Variants in CNTNAP2 observed in about 807,000 individuals in gnomAD.
The protein encoded by CNTNAP2 is contactin associated protein 2, also known as contactin-associated protein-like 2.
A neutral mutation model predicts 155.2 loss-of-function variants in CNTNAP2; 98 were observed. The ratio of observed to expected loss-of-function variants is 0.63; its 90% CI spans 0.54 to 0.75. The LOEUF is 0.75. Among genes scored for constraint, CNTNAP2 ranks in the 30% least tolerant of loss-of-function variants. The probability of loss-of-function intolerance (pLI) is 0.00; values close to 1 mark genes in which losing one functional copy is unlikely to be tolerated. For missense variants in CNTNAP2, 1,727 were observed against 1,688.1 expected, an observed-to-expected ratio of 1.02 and a Z score of -0.40; for synonymous variants, 651 against 631.2, an observed-to-expected ratio of 1.03 and a Z score of -0.47.
intron 3 of CNTNAP2, among the ~76,000 whole-genome samples, chr7:147,025,802 CAGAT>C (rs1798907556): frequency 6.6e-6 from 1 of 151,166 alleles, no homozygotes; most frequent in Non-Finnish European, 1.5e-5. Flanking sequence ...GTATATATCT[CAGAT>C]AGCTAAATGC....
intron 1 of CNTNAP2, among the ~76,000 whole-genome samples, chr7:146,304,095 C>CTTTT (rs550435247): frequency 7.5e-5 from 10 of 132,520 alleles, no homozygotes; most frequent in African/African-American, 2.9e-4. Context: ...GCAAACCCTG[C>CTTTT]TTTTTTTTTT....
At chr7:147,707,883 T>A (rs1796340026) in intron 13 of CNTNAP2, among the ~76,000 whole-genome samples, 1 of 152,172 alleles carries the variant, frequency 6.6e-6, no homozygotes, top group South Asian at 2.1e-4. Context: ...TAGAATGAGC[T>A]GGGCAGGCGT....
chr7:146,254,905 C>T (rs918419575), intron 1 of CNTNAP2, among the ~76,000 whole-genome samples: 1 of 151,530 alleles, frequency 6.6e-6, no homozygotes, highest in African/African-American at 2.4e-5. Context: ...AATAGAGAAA[C>T]ATTACAGACA....
chr7:147,616,265 C>T (rs1344116834), intron 12 of CNTNAP2, among the ~76,000 whole-genome samples: 1 of 152,154 alleles, frequency 6.6e-6, no homozygotes, highest in Admixed American at 6.6e-5. Flanking sequence ...GTTTACAAGT[C>T]ATCTCTGTGC....
At chr7:146,711,374 T>C (rs948813562) in intron 1 of CNTNAP2, among the ~76,000 whole-genome samples, 1 of 147,098 alleles carries the variant, frequency 6.8e-6, no homozygotes, top group African/African-American at 2.5e-5. Context: ...TATATATCCA[T>C]GAGAATGCCA....
intron 1 of CNTNAP2, among the ~76,000 whole-genome samples, chr7:146,295,614 C>A (rs7801023): frequency 6.6e-6 from 1 of 151,740 alleles, no homozygotes; most frequent in Non-Finnish European, 1.5e-5. Flanking sequence ...AAGAAAAAAT[C>A]GTTTTTATGG....
At chr7:147,257,522 C>A (rs1804359089) in intron 8 of CNTNAP2, among the ~76,000 whole-genome samples, 1 of 152,228 alleles carries the variant, frequency 6.6e-6, no homozygotes, top group African/African-American at 2.4e-5. Flanking sequence ...GTATTCCTCT[C>A]ATAAACATTC....
chr7:146,484,639 AAAAG>A (rs537490583), intron 1 of CNTNAP2, among the ~76,000 whole-genome samples: 4 of 152,102 alleles, frequency 2.6e-5, no homozygotes, highest in Non-Finnish European at 4.4e-5. Flanking sequence ...AGAAAGAAAG[AAAAG>A]AAAGAAAGAA....
chr7:146,217,001 C>A (rs802537), intron 1 of CNTNAP2, among the ~76,000 whole-genome samples: 1 of 152,096 alleles, frequency 6.6e-6, no homozygotes, highest in Non-Finnish European at 1.5e-5. Flanking sequence ...TCAAACATTT[C>A]ATCAAAAGAA....
At chr7:147,513,990 A>G (rs550843886) in intron 11 of CNTNAP2, among the ~76,000 whole-genome samples, 133 of 152,350 alleles carry the variant, frequency 8.7e-4, no homozygotes, top group Non-Finnish European at 1.6e-3. Flanking sequence ...CACCAGAGGT[A>G]GAGAGCACTT....
At chr7:146,122,012 G>T (rs1012614705) in intron 1 of CNTNAP2, among the ~76,000 whole-genome samples, 1 of 152,210 alleles carries the variant, frequency 6.6e-6, no homozygotes, top group Admixed American at 6.5e-5. Flanking sequence ...ATGTTGGAAT[G>T]TGGAGGTGCT....
At chr7:146,559,498 T>C (rs530442048) in intron 1 of CNTNAP2, among the ~76,000 whole-genome samples, 24 of 151,382 alleles carry the variant, frequency 1.6e-4, no homozygotes, top group Non-Finnish European at 2.9e-4. Context: ...AACCCGGGAG[T>C]GCGGAGGATG....
chr7:146,577,630 AG>A (rs1798545699), intron 1 of CNTNAP2, among the ~76,000 whole-genome samples: 1 of 152,146 alleles, frequency 6.6e-6, no homozygotes, highest in African/African-American at 2.4e-5. Flanking sequence ...ATACAAAAAA[AG>A]CTTAGTATAA....
At chr7:147,137,138 A>G (rs914345028) in intron 8 of CNTNAP2, among the ~76,000 whole-genome samples, 1 of 151,606 alleles carries the variant, frequency 6.6e-6, no homozygotes, top group South Asian at 2.1e-4. Flanking sequence ...ACAATAACCA[A>G]AGTAATTGAA....
At chr7:147,547,102 C>T (rs1584804613) in intron 11 of CNTNAP2, among the ~76,000 whole-genome samples, 1 of 152,166 alleles carries the variant, frequency 6.6e-6, no homozygotes, top group Non-Finnish European at 1.5e-5. Flanking sequence ...ACAGCCCACC[C>T]CTTGCAGAAC....
At chr7:146,907,094 T>G in intron 3 of CNTNAP2, among the ~76,000 whole-genome samples, 1 of 150,570 alleles carries the variant, frequency 6.6e-6, no homozygotes, top group African/African-American at 2.5e-5. Flanking sequence ...AGAAGGGAAG[T>G]TTAGAGAAAA....
chr7:148,395,624 C>T (rs1217113642), intron 22 of CNTNAP2, among the ~76,000 whole-genome samples: 1 of 152,102 alleles, frequency 6.6e-6, no homozygotes, highest in Non-Finnish European at 1.5e-5. Context: ...AAGAGCAAAA[C>T]GTCACTTAAG....
At chr7:148,388,845 C>T (rs377081168) in intron 22 of CNTNAP2, among the ~76,000 whole-genome samples, 8 of 152,162 alleles carry the variant, frequency 5.3e-5, no homozygotes, top group South Asian at 2.1e-4. Context: ...TGCAGAACAG[C>T]GGTTTTTCGT....
intron 13 of CNTNAP2, among the ~76,000 whole-genome samples, chr7:147,695,224 T>A (rs962114201): frequency 6.6e-6 from 1 of 152,224 alleles, no homozygotes; most frequent in African/African-American, 2.4e-5. Context: ...ATGATTTGTA[T>A]TCTTTTAAAT....
Sources: gnomAD v4.1 joint callset for allele counts (sites outside exome capture counted in the v4.1 genomes callset) on GRCh38, gnomAD v4.1.1 for gene constraint, MANE v1.5 for transcripts, NCBI Gene and HGNC (gene_info 2026-07-23, HGNC 2026-07-21) for gene names.